CHEK1: variants seen among roughly 807,000 people sequenced by gnomAD.
CHEK1 encodes the protein serine/threonine-protein kinase Chk1.
Under a neutral mutation model 60.2 loss-of-function variants are expected in CHEK1, and 32 were observed. The ratio of observed to expected loss-of-function variants is 0.53; its 90% CI spans 0.40 to 0.71. CHEK1 has a LOEUF of 0.71. CHEK1 is among the 30% of genes least tolerant of loss of function. The pLI is 0.00. For synonymous variants in CHEK1, 179 were observed against 187.2 expected (o/e 0.96, Z 0.36); for missense variants, 399 against 564.6 (o/e 0.71, Z 2.97).
chr11:125,672,368 T>A, intron 13 of CHEK1: 3 of 477,228 alleles, frequency 6.3e-6, no homozygotes, highest in South Asian at 4.0e-5. Context: ...GAAAAAAAAA[T>A]CAGGAATATT....
intron 2 of CHEK1, among the ~76,000 whole-genome samples, chr11:125,627,091 T>C (rs1211533128): frequency 1.3e-5 from 2 of 152,202 alleles, no homozygotes; most frequent in Admixed American, 6.5e-5. Flanking sequence ...TTGCGGTTAA[T>C]GAGCAAATGA....
At chr11:125,670,331 G>A (rs1018776147) in intron 13 of CHEK1, among the ~76,000 whole-genome samples, 1 of 152,076 alleles carries the variant, frequency 6.6e-6, no homozygotes, top group Non-Finnish European at 1.5e-5. Flanking sequence ...TCATATGGGG[G>A]TCAAGGTCTA....
downstream of CHEK1, among the ~76,000 whole-genome samples, chr11:125,659,532 A>G (rs1214357180): frequency 6.6e-6 from 1 of 152,032 alleles, no homozygotes; most frequent in East Asian, 1.9e-4. Flanking sequence ...TTTGTTATCC[A>G]GCTCAAATTT....
chr11:125,625,652 C>A lies in CHEK1; in HGVS notation c.-381C>A, dbSNP rs1940553881. ...AAGCGCAGCGCGGTCGGTCGCGCGCCCCTGAGGCTTGGAGGCCTGGGCTTC... is the reference window on the plus strand; with the variant it reads ...AAGCGCAGCGCGGTCGGTCGCGCGCACCTGAGGCTTGGAGGCCTGGGCTTC... On this transcript the variant is annotated 5_prime_UTR_variant, in exon 1 of 13. Transcript: ENST00000438015. 2 of 600,514 alleles carry A rather than the reference C, an allele frequency of 3.3e-6. No individual in the cohort carries two copies. The highest frequency in any genetic ancestry group is 4.4e-4 in the Middle Eastern group (1 of 2,282). The allele number at this position is 600,514 out of a possible 1,614,324, so 37.2% of individuals were successfully genotyped here. A position where few individuals can be genotyped will look rare whatever the true frequency, so the allele number is the denominator to read the frequency against.
rs1941395889 is a variant in CHEK1, at chr11:125,643,888, A to G, written c.911A>G (p.Asn304Ser). The G allele has an allele frequency of 1.2e-6, 2 of 1,613,514 alleles. No individual in the cohort carries two copies. The highest frequency in any genetic ancestry group is 2.2e-5 in the South Asian group (2 of 91,052). Reference sequence around the variant, plus strand: ...TCCAATTTGGACTTCTCTCCAGTAAACAGTGCTTCTAGGTAAGACTGATAA... The same window carrying G: ...TCCAATTTGGACTTCTCTCCAGTAAGCAGTGCTTCTAGGTAAGACTGATAA... ...IQSNLDFSPV[N>S]SASSEENVKY... The change falls in exon 9 of 13, where the codon AAC becomes AGC. Residue 304 changes from asparagine (N) to serine (S), a missense_variant. Coordinates refer to ENST00000438015, the MANE Select transcript of CHEK1 (RefSeq NM_001114122.3).
intron 11 of CHEK1, among the ~76,000 whole-genome samples, chr11:125,647,040 T>C (rs1429279548): frequency 2.6e-5 from 4 of 152,302 alleles, no homozygotes; most frequent in East Asian, 3.9e-4. Flanking sequence ...AACTGTTGCC[T>C]GATGTAAGAT....
chr11:125,666,190 T>C (rs982758682), intron 13 of CHEK1, among the ~76,000 whole-genome samples: 1 of 151,896 alleles, frequency 6.6e-6, no homozygotes, highest in African/African-American at 2.4e-5. Context: ...TTGATGTATG[T>C]CATGTTTCCA....
Position 125,644,564 on chromosome 11 carries a change from A to G in CHEK1, c.1154A>G (p.Asp385Gly), listed in dbSNP as rs750498287. Residue 385 changes from aspartate to glycine, a missense_variant, in exon 11 of 13, where the codon GAT (aspartate) becomes GGT (glycine). By Grantham distance (94) the Asp-to-Gly change is moderately conservative. Coordinates refer to ENST00000438015, the MANE Select transcript of CHEK1 (RefSeq NM_001114122.3). ...ATGACACGATTCTTTACCAAATTGG[A>G]TGCAGACAAATCTTATCAATGCCTG... is the stretch of plus-strand genomic sequence containing the variant. ...KRMTRFFTKLDADKSYQCLKE... is the reference protein window; with the variant it reads ...KRMTRFFTKLGADKSYQCLKE... 2 of 1,614,142 alleles carry G rather than the reference A, an allele frequency of 1.2e-6. No individual in the cohort carries two copies. Among genetic ancestry groups the G allele is most frequent in the Non-Finnish European group, 1.7e-6 (2 of 1,180,016 alleles).
At chr11:125,678,107 G>A (rs141232180), downstream of CHEK1, 141 of 1,614,136 alleles carry the variant, frequency 8.7e-5, 1 homozygote, top group Middle Eastern at 1.6e-4. Context: ...AAGTGTGCTC[G>A]GCCACAGTGT....
rs2135997658 is a variant in CHEK1, at chr11:125,635,524, G to A, written c.709G>A (p.Ala237Thr). Residue 237 changes from alanine (A) to threonine (T), a missense_variant, in exon 7 of 13, where the codon GCT (alanine) becomes ACT (threonine). Physicochemically the swap from Ala to Thr is moderately conservative, Grantham distance 58. Coordinates refer to ENST00000438015, the MANE Select transcript of CHEK1 (RefSeq NM_001114122.3). ...CAACCCTTGGAAAAAAATCGATTCTGCTCCTCTAGGTAACTGAATTATCTT... is the reference window on the plus strand; with the variant it reads ...CAACCCTTGGAAAAAAATCGATTCTACTCCTCTAGGTAACTGAATTATCTT... ...YLNPWKKIDS[A>T]PLALLHKILV... 6.3e-7 allele frequency: 1 copy of A among 1,595,846 alleles called. No individual in the cohort carries two copies.
At chr11:125,669,441 C>T (rs1942155720) in intron 13 of CHEK1, among the ~76,000 whole-genome samples, 1 of 151,806 alleles carries the variant, frequency 6.6e-6, no homozygotes, top group South Asian at 2.1e-4. Context: ...TTTCTTTAGA[C>T]CAGTTTTGAA....
downstream of CHEK1, chr11:125,676,506 A>G (rs754881350): frequency 4.0e-5 from 64 of 1,613,524 alleles, no homozygotes; most frequent in Admixed American, 1.0e-4. Flanking sequence ...GCCTGATGAC[A>G]TTTCCTTGTG....
At chr11:125,670,371 C>T (rs1942180261) in intron 13 of CHEK1, among the ~76,000 whole-genome samples, 1 of 152,032 alleles carries the variant, frequency 6.6e-6, no homozygotes, top group African/African-American at 2.4e-5. Flanking sequence ...GGCTATGGGT[C>T]ACAATTCCCT....
At chr11:125,657,733 T>C (rs1300986207), downstream of CHEK1, among the ~76,000 whole-genome samples, 2 of 152,246 alleles carry the variant, frequency 1.3e-5, no homozygotes, top group African/African-American at 4.8e-5. Flanking sequence ...ATTCTGCTGC[T>C]AATTGATATT....
At chr11:125,672,631 T>A in intron 13 of CHEK1, 1 of 1,614,130 alleles carries the variant, frequency 6.2e-7, no homozygotes, top group South Asian at 1.1e-5. Context: ...CGACAGCATA[T>A]AATTTGCATC....
chr11:125,678,523 A>T (rs1402366700), downstream of CHEK1, among the ~76,000 whole-genome samples: 1 of 152,156 alleles, frequency 6.6e-6, no homozygotes, highest in East Asian at 1.9e-4. Context: ...CTGGGATTGA[A>T]GGGAAGAATC....
intron 9 of CHEK1, 49 bp downstream of exon 9, chr11:125,643,949 A>C: frequency 6.5e-7 from 1 of 1,543,446 alleles, no homozygotes; most frequent in Non-Finnish European, 8.9e-7. Context: ...ATTCCCCATG[A>C]AGAATAATAC....
downstream of CHEK1, chr11:125,678,320 G>A (rs1356266132): frequency 6.2e-7 from 1 of 1,607,488 alleles, no homozygotes; most frequent in East Asian, 2.2e-5. Context: ...AGGAACAGAA[G>A]AGAGTTGGTG....
chr11:125,651,343 A>G (rs527853457), intron 11 of CHEK1, among the ~76,000 whole-genome samples: 94 of 145,352 alleles, frequency 6.5e-4, no homozygotes, highest in Non-Finnish European at 1.2e-3. Flanking sequence ...TCTGGAGTGC[A>G]ATGGTGTGAT....
Sources: gnomAD v4.1 joint callset for allele counts (sites outside exome capture counted in the v4.1 genomes callset) on GRCh38, gnomAD v4.1.1 for gene constraint, MANE v1.5 for transcripts, NCBI Gene and HGNC (gene_info 2026-07-23, HGNC 2026-07-21) for gene names.